CNTN6: variants seen among roughly 807,000 people sequenced by gnomAD.
CNTN6 encodes contactin-6.
A neutral mutation model predicts 122.8 loss-of-function variants in CNTN6; 137 were observed. The ratio of observed to expected loss-of-function variants is 1.12; its 90% CI spans 0.97 to 1.29. The LOEUF (loss-of-function observed/expected upper bound fraction) is 1.29, where lower values mean the gene tolerates loss of function less well. CNTN6 is among the 50% of genes most tolerant of loss of function. The pLI, the probability that CNTN6 is intolerant of heterozygous loss-of-function variation, is 0.00. For missense variants in CNTN6, 1,634 were observed against 1,223.4 expected (o/e 1.34, Z -5.01); for synonymous variants, 570 against 426.0 (o/e 1.34, Z -4.16).
intron 7 of CNTN6, among the ~76,000 whole-genome samples, chr3:1,312,812 C>CTT (rs746158925): frequency 0.024 from 3,281 of 137,918 alleles, 137 homozygotes; most frequent in African/African-American, 0.081. Context: ...GGTTCAAATC[C>CTT]TTTTTTTTTT....
At chr3:1,399,437 G>T (rs1390553134) in intron 20 of CNTN6, among the ~76,000 whole-genome samples, 1 of 151,954 alleles carries the variant, frequency 6.6e-6, no homozygotes, top group African/African-American at 2.4e-5. Flanking sequence ...GACAAGCAAA[G>T]TAATGGATGC....
At chr3:1,125,093 A>G (rs1574938927) in intron 1 of CNTN6, among the ~76,000 whole-genome samples, 1 of 152,140 alleles carries the variant, frequency 6.6e-6, no homozygotes, top group East Asian at 1.9e-4. Flanking sequence ...AGGAAATGTG[A>G]TAGTTAAGAA....
intron 2 of CNTN6, among the ~76,000 whole-genome samples, chr3:1,182,830 G>A (rs187209305): frequency 1.6e-4 from 25 of 152,004 alleles, no homozygotes; most frequent in Admixed American, 3.3e-4. Context: ...GCATAATGGT[G>A]TTGCATGAAC....
intron 7 of CNTN6, among the ~76,000 whole-genome samples, chr3:1,302,234 T>A (rs1316477192): frequency 6.6e-6 from 1 of 150,838 alleles, no homozygotes; most frequent in East Asian, 1.9e-4. Flanking sequence ...TGTGCAGCAT[T>A]TGGTTTTAGT....
At chr3:1,168,521 C>G (rs1010185173) in intron 2 of CNTN6, among the ~76,000 whole-genome samples, 3 of 151,242 alleles carry the variant, frequency 2.0e-5, no homozygotes, top group African/African-American at 7.3e-5. Flanking sequence ...TAAGCACTGA[C>G]TAAACAAGAG....
intron 1 of CNTN6, among the ~76,000 whole-genome samples, chr3:1,118,506 C>G (rs1345806263): frequency 6.6e-6 from 1 of 152,122 alleles, no homozygotes; most frequent in African/African-American, 2.4e-5. Context: ...TCCTAAGTCC[C>G]CCAATAATGT....
intron 1 of CNTN6, among the ~76,000 whole-genome samples, chr3:1,110,990 C>T (rs1403985321): frequency 6.6e-6 from 1 of 152,162 alleles, no homozygotes; most frequent in Non-Finnish European, 1.5e-5. Flanking sequence ...CAGAGACATA[C>T]ACTTTGATTT....
At chr3:1,293,848 G>T (rs1485249232) in intron 5 of CNTN6, among the ~76,000 whole-genome samples, 1 of 152,092 alleles carries the variant, frequency 6.6e-6, no homozygotes, top group African/African-American at 2.4e-5. Flanking sequence ...AGTTTCCGCA[G>T]TACACCTAAT....
chr3:1,142,837 C>T (rs1040614805), intron 1 of CNTN6, among the ~76,000 whole-genome samples: 6 of 151,646 alleles, frequency 4.0e-5, no homozygotes, highest in South Asian at 2.1e-4. Context: ...CAATGGGGTA[C>T]GAATTCGTAT....
chr3:1,096,737 G>C (rs2090546786), intron 1 of CNTN6, among the ~76,000 whole-genome samples: 1 of 152,134 alleles, frequency 6.6e-6, no homozygotes, highest in South Asian at 2.1e-4. Context: ...CTGAAAGTAA[G>C]AGAAAAAGAA....
chr3:1,209,090 TA>T (rs1231872382), intron 2 of CNTN6, among the ~76,000 whole-genome samples: 1 of 152,194 alleles, frequency 6.6e-6, no homozygotes, highest in Non-Finnish European at 1.5e-5. Context: ...CTTCTTATTA[TA>T]ATTTACTTTA....
intron 11 of CNTN6, among the ~76,000 whole-genome samples, chr3:1,340,838 G>A (rs1176719238): frequency 6.6e-6 from 1 of 152,050 alleles, no homozygotes; most frequent in Non-Finnish European, 1.5e-5. Context: ...CAGATTACAG[G>A]GAGCTGGAGT....
chr3:1,333,679 A>G (rs1702640226), intron 11 of CNTN6, among the ~76,000 whole-genome samples: 2 of 152,106 alleles, frequency 1.3e-5, no homozygotes. Context: ...CTACCTAGAG[A>G]TGGTTGAGAG....
intron 20 of CNTN6, among the ~76,000 whole-genome samples, chr3:1,388,160 C>A (rs1187275857): frequency 6.6e-5 from 10 of 151,654 alleles, no homozygotes; most frequent in Non-Finnish European, 1.2e-4. Context: ...TTAAATGTCC[C>A]TGTCTGACAG....
At chr3:1,389,951 A>G (rs1693849869) in intron 20 of CNTN6, among the ~76,000 whole-genome samples, 1 of 150,528 alleles carries the variant, frequency 6.6e-6, no homozygotes, top group Admixed American at 6.6e-5. Flanking sequence ...ACTCCCACAC[A>G]TTAATAATGG....
intron 1 of CNTN6, among the ~76,000 whole-genome samples, chr3:1,140,886 G>T (rs1223009193): frequency 6.6e-6 from 1 of 152,026 alleles, no homozygotes; most frequent in Non-Finnish European, 1.5e-5. Context: ...ATCTATTATG[G>T]CTGCCTATTT....
At chr3:1,168,656 A>C (rs9856363) in intron 2 of CNTN6, among the ~76,000 whole-genome samples, 9,711 of 151,982 alleles carry the variant, frequency 0.064, 1,005 homozygotes, top group African/African-American at 0.22. Context: ...GTCTGGGATA[A>C]ATATCAGTTA....
At chr3:1,099,138 AT>A (rs1328355112) in intron 1 of CNTN6, among the ~76,000 whole-genome samples, 2 of 152,082 alleles carry the variant, frequency 1.3e-5, no homozygotes, top group Non-Finnish European at 2.9e-5. Context: ...ATATTAGACT[AT>A]TTAGACTCAT....
chr3:1,374,684 G>C (rs998565920), intron 16 of CNTN6, among the ~76,000 whole-genome samples: 2 of 151,860 alleles, frequency 1.3e-5, no homozygotes, highest in East Asian at 1.9e-4. Flanking sequence ...TTACATCCAG[G>C]GTGACATTTA....
Sources: allele counts gnomAD v4.1 joint callset (sites outside exome capture counted in the v4.1 genomes callset), GRCh38; gene constraint gnomAD v4.1.1; transcripts MANE v1.5; gene names NCBI Gene and HGNC (gene_info 2026-07-23, HGNC 2026-07-21).